NHSL1: variants seen among roughly 807,000 people sequenced by gnomAD.
NHSL1 encodes the protein NHS-like protein 1.
Under a neutral mutation model 95.0 loss-of-function variants are expected in NHSL1, and 48 were observed. The ratio of observed to expected loss-of-function variants is 0.51; its 90% CI spans 0.40 to 0.64. The LOEUF (loss-of-function observed/expected upper bound fraction) is 0.64, where lower values mean the gene tolerates loss of function less well. NHSL1 is among the 30% of genes least tolerant of loss of function. NHSL1 has a pLI of 0.00. For synonymous variants in NHSL1, 783 were observed against 833.9 expected (o/e 0.94, Z 1.05); for missense variants, 1,971 against 2,077.7 (o/e 0.95, Z 1.00).
At chr6:138,576,145 C>G (rs1583430209), upstream of NHSL1, among the ~76,000 whole-genome samples, 1 of 152,072 alleles carries the variant, frequency 6.6e-6, no homozygotes, top group South Asian at 2.1e-4. Flanking sequence ...GCGCGCATCT[C>G]CACGCCTGGC....
chr6:138,639,070 A>G (rs1283160095), intron 1 of NHSL1, among the ~76,000 whole-genome samples: 1 of 152,218 alleles, frequency 6.6e-6, no homozygotes, highest in Non-Finnish European at 1.5e-5. Context: ...TTACATCAGA[A>G]TTACTTGATT....
At chr6:138,687,955 CTTTTT>C (rs71549004) in intron 1 of NHSL1, among the ~76,000 whole-genome samples, 6,839 of 148,614 alleles carry the variant, frequency 0.046, 316 homozygotes, top group African/African-American at 0.12. Context: ...AAATTGTACA[CTTTTT>C]TTTTTTGGGG....
In NHSL1 at chr6:138,692,274, G is replaced by A; in HGVS notation, c.96+202C>T. On this transcript the variant is annotated intron_variant, in intron 1 of 3. Coordinates refer to the NHSL1 transcript ENST00000491526. This position sits in a 1 kb window ranked among gnomAD's most constrained non-coding sequence, Gnocchi z 4.0. ...CTCTCGAGGTAGCCAAGACCCTCCA[G>A]GAGTCCGAAAGTCACAGAGCGCTCT... 1 of 429,180 alleles carries A rather than the reference G, an allele frequency of 2.3e-6. No individual in the cohort carries two copies. Among genetic ancestry groups the A allele is most frequent in the Non-Finnish European group, 4.7e-6 (1 of 213,032 alleles). 26.6% of individuals were successfully genotyped at this position (429,180 alleles called of 1,614,324 possible). A position where few individuals can be genotyped will look rare whatever the true frequency, so the allele number is the denominator to read the frequency against.
chr6:138,580,275 G>A (rs1186698318), intron 1 of NHSL1, among the ~76,000 whole-genome samples: 1 of 152,126 alleles, frequency 6.6e-6, no homozygotes. Flanking sequence ...AAAAGATAGG[G>A]CCCTCCCCTA....
intron 1 of NHSL1, among the ~76,000 whole-genome samples, chr6:138,550,994 C>T (rs1782981231): frequency 6.6e-6 from 1 of 152,184 alleles, no homozygotes; most frequent in Non-Finnish European, 1.5e-5. Context: ...TCAGTACTTT[C>T]AGTTACCCCT....
At chr6:138,615,583 G>A (rs1784568021) in intron 1 of NHSL1, among the ~76,000 whole-genome samples, 1 of 152,240 alleles carries the variant, frequency 6.6e-6, no homozygotes, top group Non-Finnish European at 1.5e-5. Flanking sequence ...CGATTCTCCT[G>A]CCTCAGCCTC....
rs139501873 is a variant in NHSL1, at chr6:138,426,952, G to T, written c.4086-2136C>A. Among the ~76,000 whole-genome samples, 1,205 of 152,284 alleles carry T rather than the reference G, an allele frequency of 7.9e-3. 10 individuals are homozygous for T. Among genetic ancestry groups the T allele is most frequent in the Middle Eastern group, 0.014 (4 of 294 alleles). Reference sequence around the variant, plus strand: ...AGAGCTAGAAAAGACGTTAGAAATGGTCTAGTCCAACCACTTTGGGTTTCA... The same window carrying T: ...AGAGCTAGAAAAGACGTTAGAAATGTTCTAGTCCAACCACTTTGGGTTTCA... On this transcript the variant is annotated intron_variant, in intron 7 of 7. Coordinates refer to ENST00000343505, the MANE Select transcript of NHSL1 (RefSeq NM_001144060.2).
At chr6:138,526,521 C>G (rs1781912291) in intron 1 of NHSL1, among the ~76,000 whole-genome samples, 1 of 152,100 alleles carries the variant, frequency 6.6e-6, no homozygotes, top group Non-Finnish European at 1.5e-5. Flanking sequence ...ACACAGTGCC[C>G]ACTCTTCTTC....
chr6:138,680,616 CTTTTA>C (rs767061674), intron 1 of NHSL1, among the ~76,000 whole-genome samples: 24 of 152,182 alleles, frequency 1.6e-4, no homozygotes, highest in Non-Finnish European at 2.4e-4. Flanking sequence ...CCCTTTTCCT[CTTTTA>C]TTTTATTTTT....
At chr6:138,525,656 G>C (rs1490349073) in intron 1 of NHSL1, among the ~76,000 whole-genome samples, 1 of 151,952 alleles carries the variant, frequency 6.6e-6, no homozygotes, top group Non-Finnish European at 1.5e-5. Flanking sequence ...GACGTACTTT[G>C]TTGCCAAATA....
At chr6:138,624,682 T>A (rs928707152) in intron 1 of NHSL1, among the ~76,000 whole-genome samples, 2 of 152,174 alleles carry the variant, frequency 1.3e-5, no homozygotes, top group African/African-American at 4.8e-5. Flanking sequence ...ACAGCCTCCT[T>A]CTGACACTTC....
chr6:138,431,490 G>A lies in NHSL1; in HGVS notation c.2855C>T (p.Pro952Leu). 6.4e-7 allele frequency: 1 copy of A among 1,551,286 alleles called. No individual in the cohort carries two copies. The highest frequency in any genetic ancestry group is 2.4e-5 in the East Asian group (1 of 40,896). Residue 952 changes from proline to leucine, a missense_variant, in exon 6 of 8, where the codon CCC (proline) becomes CTC (leucine). Transcript: ENST00000343505. The surrounding 1 kb of genome is among the most constrained non-coding windows in gnomAD (Gnocchi z 4.0). ...CPADRSPFLP[P>L]PPPVTDCSQG... is the part of the protein sequence containing the mutation. The stretch of plus-strand genomic sequence containing the variant: ...GGAGCAATCTGTGACAGGAGGTGGG[G>A]GAGGAAGGAAAGGAGACCTGTCTGC...
chr6:138,498,132 C>T (rs767937940), intron 1 of NHSL1, among the ~76,000 whole-genome samples: 1 of 152,168 alleles, frequency 6.6e-6, no homozygotes, highest in Non-Finnish European at 1.5e-5. Flanking sequence ...ATATGTCCCC[C>T]CAAAGTGTAG....
intron 7 of NHSL1, among the ~76,000 whole-genome samples, chr6:138,427,298 G>C (rs1775326633): frequency 6.6e-6 from 1 of 152,092 alleles, no homozygotes; most frequent in Middle Eastern, 3.2e-3. Context: ...AAATTAGCCG[G>C]GCATGGTGGC....
chr6:138,635,554 C>CCTT (rs1784876300), intron 1 of NHSL1, among the ~76,000 whole-genome samples: 1 of 151,944 alleles, frequency 6.6e-6, no homozygotes, highest in Admixed American at 6.6e-5. Context: ...AAACAAAAGC[C>CCTT]CAAGACCCAA....
rs1181257596 is a variant in NHSL1, at chr6:138,610,548, AAT to A, written c.96+81926_96+81927del. Among the ~76,000 whole-genome samples, 4 of 113,332 alleles carry A rather than the reference AAT, an allele frequency of 3.5e-5. No individual in the cohort carries two copies. The South Asian group carries it at 7.8e-4, about 22-fold the overall frequency. The allele number at this position is 113,332 out of a possible 152,430, so 74.4% of individuals were successfully genotyped here. ...AGAACTAAAAGTATAATAATAAAAA[AAT>A]ATATATATATTATATATATATATAA... On this transcript the variant is annotated intron_variant, in intron 1 of 3. Transcript: ENST00000491526.
intron 1 of NHSL1, among the ~76,000 whole-genome samples, chr6:138,566,388 A>T (rs1046462803): frequency 6.7e-6 from 1 of 148,488 alleles, no homozygotes; most frequent in Non-Finnish European, 1.5e-5. Flanking sequence ...ACAGAGCAAG[A>T]CTCTGTCTCA....
intron 2 of NHSL1, among the ~76,000 whole-genome samples, chr6:138,480,897 A>G (rs532608131): frequency 4.5e-4 from 68 of 152,328 alleles, no homozygotes; most frequent in African/African-American, 1.5e-3. Context: ...GTTTACAATA[A>G]TTCTCTGAGA....
chr6:138,673,161 AGTAACTTGATTGGAATTTCACT>A (rs1785400940), intron 1 of NHSL1, among the ~76,000 whole-genome samples: 1 of 152,180 alleles, frequency 6.6e-6, no homozygotes, highest in South Asian at 2.1e-4. Context: ...CTTGGAATCC[AGTAACTTGATTGGAATTTCACT>A]GTAAAAACTG....
Sources: allele counts gnomAD v4.1 joint callset (sites outside exome capture counted in the v4.1 genomes callset), GRCh38; gene constraint gnomAD v4.1.1; non-coding constraint Gnocchi (gnomAD v3.1); transcripts MANE v1.5; gene names NCBI Gene and HGNC (gene_info 2026-07-23, HGNC 2026-07-21).